Variants in NSMCE2 observed in about 807,000 individuals in gnomAD.
NSMCE2 encodes E3 SUMO-protein ligase NSE2.
In NSMCE2, 24 loss-of-function variants were observed where a neutral mutation model predicts 23.8. The observed-to-expected ratio is 1.01, with a 90% CI of 0.73 to 1.42. The LOEUF (loss-of-function observed/expected upper bound fraction) is 1.42, where lower values mean the gene tolerates loss of function less well. Ranked by LOEUF, NSMCE2 falls within the 40% of genes most tolerant of loss-of-function variation. The probability of loss-of-function intolerance (pLI) is 0.00; values close to 1 mark genes in which losing one functional copy is unlikely to be tolerated. For synonymous variants in NSMCE2, 92 were observed against 94.1 expected, an observed-to-expected ratio of 0.98 and a Z score of 0.13; for missense variants, 284 against 296.5, an observed-to-expected ratio of 0.96 and a Z score of 0.31.
At chr8:125,209,059 G>A (rs533801794) in intron 5 of NSMCE2, among the ~76,000 whole-genome samples, 1 of 152,270 alleles carries the variant, frequency 6.6e-6, no homozygotes, top group Non-Finnish European at 1.5e-5. Context: ...TGATCCCCTC[G>A]TCTCAGTCTC....
chr8:125,134,426 A>C (rs1819954788), intron 3 of NSMCE2, among the ~76,000 whole-genome samples: 1 of 152,182 alleles, frequency 6.6e-6, no homozygotes. Flanking sequence ...CCTTGTCAAC[A>C]CTTGCTACAG....
chr8:125,183,590 G>A (rs1822934942), intron 5 of NSMCE2, among the ~76,000 whole-genome samples: 1 of 151,478 alleles, frequency 6.6e-6, no homozygotes, highest in African/African-American at 2.4e-5. Context: ...ATATACATGG[G>A]CCATATAGTC....
In NSMCE2 at chr8:125,151,232, G is replaced by C; in HGVS notation, c.219G>C (p.Arg73=). ...TGGTTGAATTTGCTACATTGGATCG[G>C]CAACTAAACCATTATGTAAAGGCTG... is the stretch of plus-strand genomic sequence containing the variant. ...KAMVEFATLD[R]QLNHYVKAVQ... Residue 73 remains arginine (R), a synonymous_variant, in exon 4 of 8, where the codon CGG becomes CGC. Transcript: ENST00000287437. 6.2e-7 allele frequency: 1 copy of C among 1,606,960 alleles called. No homozygotes were observed. Among genetic ancestry groups the C allele is most frequent in the Non-Finnish European group, 8.5e-7 (1 of 1,174,240 alleles).
intron 5 of NSMCE2, among the ~76,000 whole-genome samples, chr8:125,333,166 T>G (rs1829940359): frequency 6.6e-6 from 1 of 152,036 alleles, no homozygotes; most frequent in South Asian, 2.1e-4. Context: ...TTTCTTTTTT[T>G]TTTTCTTTTT....
intron 5 of NSMCE2, among the ~76,000 whole-genome samples, chr8:125,215,166 T>A (rs991826606): frequency 5.8e-4 from 87 of 150,982 alleles, no homozygotes; most frequent in Admixed American, 9.9e-4. Context: ...GCATTAGTTA[T>A]ATCTCCCAGT....
chr8:125,348,182 A>G (rs1812861688), intron 5 of NSMCE2: 1 of 152,200 alleles, frequency 6.6e-6, no homozygotes, highest in South Asian at 2.1e-4. Context: ...AAATAATAAT[A>G]ATAGCAGTAA....
At chr8:125,325,921 C>T (rs1245356270) in intron 5 of NSMCE2, among the ~76,000 whole-genome samples, 2 of 152,110 alleles carry the variant, frequency 1.3e-5, no homozygotes, top group Admixed American at 6.5e-5. Flanking sequence ...CACTGTACTC[C>T]AGCCTGGGCA....
At chr8:125,251,815 A>C (rs2131013969) in intron 5 of NSMCE2, among the ~76,000 whole-genome samples, 2 of 152,348 alleles carry the variant, frequency 1.3e-5, no homozygotes, top group South Asian at 4.1e-4. Context: ...GTCTTACAGG[A>C]GCTAAATGTC....
In NSMCE2 at chr8:125,169,112, C is replaced by T. The variant is rs151274863; in HGVS notation, c.265-12991C>T. Among the ~76,000 whole-genome samples, 535 of 152,276 alleles carry T rather than the reference C, an allele frequency of 3.5e-3. 3 individuals are homozygous for T. Among genetic ancestry groups the T allele is most frequent in the Admixed American group, 5.0e-3 (76 of 15,292 alleles). On this transcript the variant is annotated intron_variant, in intron 4 of 7. Coordinates refer to ENST00000287437, the MANE Select transcript of NSMCE2 (RefSeq NM_173685.4). ...TCCTTCCTTCCTGAATTTTTATTTTCCCCTGACTTTCATGACAACACATCT... is the reference window on the plus strand; with the variant it reads ...TCCTTCCTTCCTGAATTTTTATTTTTCCCTGACTTTCATGACAACACATCT...
At chr8:125,343,225 C>G (rs572948667) in intron 5 of NSMCE2, among the ~76,000 whole-genome samples, 8 of 152,206 alleles carry the variant, frequency 5.3e-5, no homozygotes, top group Middle Eastern at 3.2e-3. Flanking sequence ...GAGGACAGCG[C>G]TGAGCACTAA....
intron 4 of NSMCE2, among the ~76,000 whole-genome samples, chr8:125,166,555 C>T (rs1821887496): frequency 6.6e-6 from 1 of 152,232 alleles, no homozygotes; most frequent in Non-Finnish European, 1.5e-5. Context: ...GTGTGAGCCA[C>T]CGCGCCTGGC....
intron 4 of NSMCE2, among the ~76,000 whole-genome samples, chr8:125,170,655 G>A (rs1442360845): frequency 1.3e-5 from 2 of 151,864 alleles, no homozygotes; most frequent in South Asian, 2.1e-4. Flanking sequence ...TGATCCACCC[G>A]GCTTGGCCTC....
chr8:125,270,690 C>G (rs1256619087), intron 5 of NSMCE2: 1 of 152,234 alleles, frequency 6.6e-6, no homozygotes, highest in African/African-American at 2.4e-5. Flanking sequence ...TTCTGGGCTA[C>G]AGTACAGTAT....
chr8:125,196,294 CT>C (rs940248092), intron 5 of NSMCE2, among the ~76,000 whole-genome samples: 6 of 150,218 alleles, frequency 4.0e-5, no homozygotes, highest in African/African-American at 1.2e-4. Context: ...TGTTGGTTTG[CT>C]GCACCCATCA....
chr8:125,254,233 A>G (rs565464919), intron 5 of NSMCE2, among the ~76,000 whole-genome samples: 1 of 152,302 alleles, frequency 6.6e-6, no homozygotes, highest in African/African-American at 2.4e-5. Flanking sequence ...GATGTCTAAA[A>G]ACAAAAGTCT....
At chr8:125,239,481 C>T (rs1383281547) in intron 5 of NSMCE2, among the ~76,000 whole-genome samples, 5 of 151,522 alleles carry the variant, frequency 3.3e-5, no homozygotes, top group African/African-American at 9.7e-5. Flanking sequence ...TGGTGGTGCA[C>T]GCCTGTAGTA....
intron 5 of NSMCE2, among the ~76,000 whole-genome samples, chr8:125,353,607 G>A (rs767270641): frequency 2.4e-4 from 37 of 152,156 alleles, no homozygotes; most frequent in Non-Finnish European, 4.1e-4. Flanking sequence ...GTTTTAGGAC[G>A]GGTGCAGTGG....
At chr8:125,340,396 T>C (rs1830207809) in intron 5 of NSMCE2, among the ~76,000 whole-genome samples, 1 of 152,070 alleles carries the variant, frequency 6.6e-6, no homozygotes, top group East Asian at 1.9e-4. Flanking sequence ...GTCTTTATAT[T>C]ACTTCTGAAA....
chr8:125,292,887 C>T (rs1828165666), intron 5 of NSMCE2, among the ~76,000 whole-genome samples: 1 of 152,218 alleles, frequency 6.6e-6, no homozygotes, highest in African/African-American at 2.4e-5. Context: ...AGGAGTGTTC[C>T]TCAACATGAA....
Sources: gnomAD v4.1 joint callset for allele counts (sites outside exome capture counted in the v4.1 genomes callset) on GRCh38, gnomAD v4.1.1 for gene constraint, MANE v1.5 for transcripts, NCBI Gene and HGNC (gene_info 2026-07-23, HGNC 2026-07-21) for gene names.